NKAIN2: variants seen among roughly 807,000 people sequenced by gnomAD.
NKAIN2 encodes sodium/potassium transporting ATPase interacting 2.
Under a neutral mutation model 32.6 loss-of-function variants are expected in NKAIN2, and 14 were observed. The ratio of observed to expected loss-of-function variants is 0.43; its 90% CI spans 0.28 to 0.67. NKAIN2 has a LOEUF of 0.67. NKAIN2 is among the 30% of genes least tolerant of loss of function. The probability of loss-of-function intolerance (pLI) is 0.17; values close to 1 mark genes in which losing one functional copy is unlikely to be tolerated. For missense variants in NKAIN2, 198 were observed against 258.3 expected (o/e 0.77, Z 1.60); for synonymous variants, 80 against 87.2 (o/e 0.92, Z 0.46).
intron 1 of NKAIN2, among the ~76,000 whole-genome samples, chr6:124,018,380 T>A (rs1294599600): frequency 6.6e-6 from 1 of 152,230 alleles, no homozygotes; most frequent in Non-Finnish European, 1.5e-5. Flanking sequence ...GATTAACATT[T>A]GACTTCTAGT....
intron 1 of NKAIN2, among the ~76,000 whole-genome samples, chr6:123,984,478 A>G (rs1455614569): frequency 6.6e-6 from 1 of 152,192 alleles, no homozygotes; most frequent in South Asian, 2.1e-4. Context: ...TCAAAACAGT[A>G]TATTACTGTT....
At chr6:124,464,247 C>T (rs916560485) in intron 3 of NKAIN2, among the ~76,000 whole-genome samples, 17 of 152,080 alleles carry the variant, frequency 1.1e-4, no homozygotes, top group Admixed American at 3.9e-4. Context: ...TTCAGTCTCC[C>T]GAAGTGCTGG....
At position 124,148,611 on chromosome 6, in the gene NKAIN2, TGACATTTTGAAA is replaced by T. The variant is rs1383367858; in HGVS notation, c.55-134393_55-134382del. ...TGGGACTGGCTTCTTACATTTAGCA[TGACATTTTGAAA>T]ATTCCTGTTATAGCATGCCTCATTA... On this transcript the variant is annotated intron_variant, in intron 1 of 6. Coordinates refer to ENST00000368417, the MANE Select transcript of NKAIN2 (RefSeq NM_001040214.3). Among the ~76,000 whole-genome samples, 7 of 152,278 alleles carry T rather than the reference TGACATTTTGAAA, an allele frequency of 4.6e-5. No individual in the cohort carries two copies. In the East Asian group the frequency reaches 7.7e-4, roughly 17 times the overall value.
intron 4 of NKAIN2, among the ~76,000 whole-genome samples, chr6:124,784,520 T>A (rs1330304938): frequency 6.6e-6 from 1 of 152,138 alleles, no homozygotes; most frequent in African/African-American, 2.4e-5. Flanking sequence ...CTAACCTCAA[T>A]TCTATGGAAA....
chr6:124,685,112 C>A (rs1773802120), intron 4 of NKAIN2, among the ~76,000 whole-genome samples: 1 of 152,082 alleles, frequency 6.6e-6, no homozygotes, highest in South Asian at 2.1e-4. Flanking sequence ...CATTTGTTTA[C>A]ATATTTTAAA....
intron 3 of NKAIN2, among the ~76,000 whole-genome samples, chr6:124,468,235 A>G (rs1776838323): frequency 6.6e-6 from 1 of 152,162 alleles, no homozygotes; most frequent in Admixed American, 6.6e-5. Flanking sequence ...TTTTCAAGAT[A>G]AGTTAGACCA....
chr6:123,891,794 T>C (rs1774030885), intron 1 of NKAIN2, among the ~76,000 whole-genome samples: 1 of 152,206 alleles, frequency 6.6e-6, no homozygotes, highest in Non-Finnish European at 1.5e-5. Context: ...TGGAGTATAA[T>C]GCCAAATTTC....
chr6:124,769,939 A>T (rs551180518), intron 4 of NKAIN2, among the ~76,000 whole-genome samples: 2 of 152,264 alleles, frequency 1.3e-5, no homozygotes, highest in Admixed American at 1.3e-4. Context: ...GTATAGTTTC[A>T]TATGTCACAC....
chr6:124,131,153 G>T (rs1304117940), intron 1 of NKAIN2, among the ~76,000 whole-genome samples: 1 of 152,038 alleles, frequency 6.6e-6, no homozygotes, highest in African/African-American at 2.4e-5. Flanking sequence ...GTTGTTGTTT[G>T]TTTGTTTTTT....
chr6:124,330,514 A>G (rs1462488365), intron 2 of NKAIN2, among the ~76,000 whole-genome samples: 2 of 152,228 alleles, frequency 1.3e-5, no homozygotes, highest in African/African-American at 4.8e-5. Context: ...GTACCTCCAC[A>G]TCAACCAGTC....
intron 1 of NKAIN2, among the ~76,000 whole-genome samples, chr6:124,120,559 T>C (rs1379727717): frequency 6.6e-6 from 1 of 152,178 alleles, no homozygotes; most frequent in Middle Eastern, 3.2e-3. Flanking sequence ...GCTAAATAAC[T>C]TGCTGGCAAG....
At chr6:124,402,111 T>C (rs964006655) in intron 3 of NKAIN2, among the ~76,000 whole-genome samples, 1 of 152,150 alleles carries the variant, frequency 6.6e-6, no homozygotes. Flanking sequence ...ATTTCGTGTG[T>C]AGAGACCAGG....
intron 4 of NKAIN2, among the ~76,000 whole-genome samples, chr6:124,734,880 A>AT (rs1392471406): frequency 1.3e-5 from 2 of 151,832 alleles, no homozygotes; most frequent in African/African-American, 4.8e-5. Flanking sequence ...TGCTTAATAC[A>AT]TTTTTCCTTG....
chr6:124,052,324 T>C (rs1582541231), intron 1 of NKAIN2, among the ~76,000 whole-genome samples: 1 of 152,096 alleles, frequency 6.6e-6, no homozygotes, highest in South Asian at 2.1e-4. Flanking sequence ...GGATGGTAGC[T>C]CCCCCTTGGG....
At position 124,359,547 on chromosome 6, in the gene NKAIN2, G is replaced by T. The variant is rs548927075; in HGVS notation, c.273+4200G>T. Among the ~76,000 whole-genome samples the T allele has an allele frequency of 1.2e-4, 19 of 152,224 alleles. No individual in the cohort carries two copies. In the South Asian group the frequency reaches 3.7e-3, roughly 30 times the overall value. ...CTCTTTGAAGCAATTGTGAATGGGA[G>T]TTCACTCATGATTTGGCTCTCTGTT... is the stretch of plus-strand genomic sequence containing the variant. On this transcript the variant is annotated intron_variant, in intron 3 of 6. Coordinates refer to ENST00000368417, the MANE Select transcript of NKAIN2 (RefSeq NM_001040214.3).
intron 3 of NKAIN2, among the ~76,000 whole-genome samples, chr6:124,525,107 T>C: frequency 6.6e-6 from 1 of 152,164 alleles, no homozygotes; most frequent in East Asian, 1.9e-4. Flanking sequence ...CAGTGAACCG[T>C]TGACAGAAAC....
intron 1 of NKAIN2, among the ~76,000 whole-genome samples, chr6:124,052,658 G>A (rs1782466192): frequency 6.6e-6 from 1 of 152,046 alleles, no homozygotes; most frequent in Non-Finnish European, 1.5e-5. Context: ...AGAATAAGGT[G>A]TTTGTATGAG....
intron 3 of NKAIN2, among the ~76,000 whole-genome samples, chr6:124,402,493 C>T (rs149052721): frequency 1.4e-4 from 21 of 152,286 alleles, no homozygotes; most frequent in African/African-American, 5.1e-4. Flanking sequence ...TCATGCCAAA[C>T]ACTTTCTTTT....
intron 4 of NKAIN2, among the ~76,000 whole-genome samples, chr6:124,708,291 G>T (rs1433496682): frequency 1.3e-5 from 2 of 151,456 alleles, no homozygotes; most frequent in South Asian, 4.2e-4. Context: ...CTCCAGCTTT[G>T]TTCTTTTGGC....
Sources: gnomAD v4.1 joint callset for allele counts (sites outside exome capture counted in the v4.1 genomes callset) on GRCh38, gnomAD v4.1.1 for gene constraint, MANE v1.5 for transcripts, NCBI Gene and HGNC (gene_info 2026-07-23, HGNC 2026-07-21) for gene names.